The following UNC5A variants were observed in gnomAD, a reference collection of about 807,000 sequenced individuals.
The protein encoded by UNC5A is netrin receptor UNC5A.
A neutral mutation model predicts 87.4 loss-of-function variants in UNC5A; 20 were observed. The observed-to-expected ratio is 0.23, with a 90% CI of 0.16 to 0.33. UNC5A has a LOEUF of 0.33. Among genes scored for constraint, UNC5A ranks in the 10% least tolerant of loss-of-function variants. The pLI, the probability that UNC5A is intolerant of heterozygous loss-of-function variation, is 1.00. For missense variants in UNC5A, 844 were observed against 1,133.4 expected (o/e 0.74, Z 3.67); for synonymous variants, 438 against 482.3 (o/e 0.91, Z 1.20).
intron 1 of UNC5A, among the ~76,000 whole-genome samples, chr5:176,842,492 G>GATATATATAT (rs35268512): frequency 0.014 from 1,986 of 145,606 alleles, 69 homozygotes; most frequent in African/African-American, 0.05. Context: ...GAGAAACTGT[G>GATATATATAT]ATATATATAT....
rs537011329 is a variant in UNC5A at position 176,843,929 on chromosome 5, G to A, written c.71-18695G>A. Among the ~76,000 whole-genome samples, 9 of 152,384 alleles carry A rather than the reference G, an allele frequency of 5.9e-5. No individual in the cohort carries two copies. The South Asian group carries it at 1.0e-3, about 18-fold the overall frequency. On this transcript the variant is annotated intron_variant, in intron 1 of 14. Coordinates refer to ENST00000329542, the MANE Select transcript of UNC5A (RefSeq NM_133369.3). ...GCTCCCTGGAGTCTGCTTTCCTCCC[G>A]CTGATCGTGTGAGGCGCTCAGCGAC...
At position 176,875,161 on chromosome 5, in the gene UNC5A, C is replaced by T. The variant is rs1395949413; in HGVS notation, c.1378+595C>T. 6.6e-6 allele frequency among the ~76,000 whole-genome samples: 1 copy of T among 152,202 alleles called. No individual in the cohort carries two copies. Among genetic ancestry groups the T allele is most frequent in the Non-Finnish European group, 1.5e-5 (1 of 68,040 alleles). ...GTAGGTGTGCCTCCGAGCTCCCTCCCAGTGCCCTTCTCCCCGAGCGGCCTC... is the reference window on the plus strand; with the variant it reads ...GTAGGTGTGCCTCCGAGCTCCCTCCTAGTGCCCTTCTCCCCGAGCGGCCTC... On this transcript the variant is annotated intron_variant, in intron 8 of 14. Coordinates refer to ENST00000329542, the MANE Select transcript of UNC5A (RefSeq NM_133369.3). The surrounding 1 kb of genome is among the most constrained non-coding windows in gnomAD (Gnocchi z 5.2).
chr5:176,835,130 C>T (rs1236339620), intron 1 of UNC5A, among the ~76,000 whole-genome samples: 1 of 152,272 alleles, frequency 6.6e-6, no homozygotes, highest in African/African-American at 2.4e-5. Flanking sequence ...AGGGTGGCTT[C>T]TTAAAGTGCC....
chr5:176,860,753 T>G (rs1757816044), intron 1 of UNC5A, among the ~76,000 whole-genome samples: 1 of 152,206 alleles, frequency 6.6e-6, no homozygotes, highest in Non-Finnish European at 1.5e-5. Context: ...ACCTTCATTT[T>G]CACGACATGT....
At chr5:176,814,504 A>G (rs1482728651) in intron 1 of UNC5A, among the ~76,000 whole-genome samples, 1 of 152,128 alleles carries the variant, frequency 6.6e-6, no homozygotes, top group Non-Finnish European at 1.5e-5. Flanking sequence ...CAGACCTGGG[A>G]CACACCCCTT....
At chr5:176,878,216 C>G in intron 11 of UNC5A, 28 bp from the exon 12 acceptor site, 1 of 1,606,870 alleles carries the variant, frequency 6.2e-7, no homozygotes, top group Non-Finnish European at 8.5e-7. Flanking sequence ...TGGGGAGGGG[C>G]CTGGGCTGAC....
At chr5:176,828,857 G>A (rs1380656460) in intron 1 of UNC5A, among the ~76,000 whole-genome samples, 5 of 151,274 alleles carry the variant, frequency 3.3e-5, no homozygotes, top group African/African-American at 9.7e-5. Context: ...GGGGCTGGGC[G>A]CGGTGGCTCA....
chr5:176,840,655 G>C (rs1292180375), intron 1 of UNC5A, among the ~76,000 whole-genome samples: 1 of 152,212 alleles, frequency 6.6e-6, no homozygotes, highest in African/African-American at 2.4e-5. Context: ...GAGGGAGCAA[G>C]TGGGCAGGAC....
rs1450122401 is a variant in UNC5A at position 176,875,580 on chromosome 5, G to T, written c.1378+1014G>T. Among the ~76,000 whole-genome samples the T allele has an allele frequency of 6.6e-6, 1 of 151,956 alleles. No homozygotes were observed. The highest frequency in any genetic ancestry group is 1.5e-5 in the Non-Finnish European group (1 of 68,008). Reference sequence around the variant, plus strand: ...CACGGGCCACCAAACCCCTTACCTGGTTCCTTGCTGTAAAACTTCACCAAA... The same window carrying T: ...CACGGGCCACCAAACCCCTTACCTGTTTCCTTGCTGTAAAACTTCACCAAA... On this transcript the variant is annotated intron_variant, in intron 8 of 14. Coordinates refer to ENST00000329542, the MANE Select transcript of UNC5A (RefSeq NM_133369.3). The surrounding 1 kb of genome is among the most constrained non-coding windows in gnomAD (Gnocchi z 5.2).
At chr5:176,879,217 T>G (rs1581283676) in intron 13 of UNC5A, 93 bp from the exon 14 acceptor site, 1 of 1,438,300 alleles carries the variant, frequency 7.0e-7, no homozygotes, top group Non-Finnish European at 9.3e-7. Flanking sequence ...CCCCATGCTC[T>G]GGGGGAGTCT....
chr5:176,830,484 G>C (rs1756972824), intron 1 of UNC5A, among the ~76,000 whole-genome samples: 1 of 146,090 alleles, frequency 6.8e-6, no homozygotes, highest in African/African-American at 2.5e-5. Context: ...GTGTGTGTGT[G>C]CCGGCGTATG....
At chr5:176,828,520 C>A (rs765273912) in intron 1 of UNC5A, among the ~76,000 whole-genome samples, 1 of 152,130 alleles carries the variant, frequency 6.6e-6, no homozygotes, top group Non-Finnish European at 1.5e-5. Context: ...CTCAGCCCCC[C>A]CATCTTCCCC....
At chr5:176,834,733 CCTCTCCCTCTCCCTCTCT>C (rs1327758087) in intron 1 of UNC5A, among the ~76,000 whole-genome samples, 4 of 148,896 alleles carry the variant, frequency 2.7e-5, no homozygotes, top group Admixed American at 2.0e-4. Flanking sequence ...CCCTCCTCTC[CCTCTCCCTCTCCCTCTCT>C]CTCTCCCTTT....
rs1757474549 is a variant in UNC5A at position 176,848,794 on chromosome 5, G to C, written c.71-13830G>C. Reference sequence around the variant, plus strand: ...GCTCAGACCACGGGCACACAAGATGGGCAGCCGCGGCCTGGGCCCTGCGCG... The same window carrying C: ...GCTCAGACCACGGGCACACAAGATGCGCAGCCGCGGCCTGGGCCCTGCGCG... On this transcript the variant is annotated intron_variant, in intron 1 of 14. Coordinates refer to ENST00000329542, the MANE Select transcript of UNC5A (RefSeq NM_133369.3). The surrounding 1 kb of genome is among the most constrained non-coding windows in gnomAD (Gnocchi z 5.8). Among the ~76,000 whole-genome samples, 1 of 152,200 alleles carries C rather than the reference G, an allele frequency of 6.6e-6. No individual in the cohort carries two copies. Among genetic ancestry groups the C allele is most frequent in the Admixed American group, 6.5e-5 (1 of 15,282 alleles).
intron 1 of UNC5A, among the ~76,000 whole-genome samples, chr5:176,855,218 C>T (rs1392209481): frequency 6.6e-6 from 1 of 152,248 alleles, no homozygotes; most frequent in Non-Finnish European, 1.5e-5. Flanking sequence ...TTACCCTCAG[C>T]CTTACGAAGG....
chr5:176,843,344 C>T (rs1013844987), intron 1 of UNC5A, among the ~76,000 whole-genome samples: 13 of 152,052 alleles, frequency 8.5e-5, no homozygotes, highest in Non-Finnish European at 1.2e-4. Flanking sequence ...TACTGTGTAC[C>T]GCTAAAGAAG....
chr5:176,878,144 A>AC lies in UNC5A; in HGVS notation c.1869+23dup. On this transcript the variant is annotated intron_variant, in intron 11 of 14. Coordinates refer to ENST00000329542, the MANE Select transcript of UNC5A (RefSeq NM_133369.3). ...GCACTCAAGGTATCTCCCGCCCCTCACCCCCCGCCGCTGGGAGGCCGAGCT... is the reference window on the plus strand; with the variant it reads ...GCACTCAAGGTATCTCCCGCCCCTCACCCCCCCGCCGCTGGGAGGCCGAGCT... 2 of 1,572,536 alleles carry AC rather than the reference A, an allele frequency of 1.3e-6. No homozygotes were observed. The highest frequency in any genetic ancestry group is 1.1e-5 in the South Asian group (1 of 87,964).
chr5:176,828,175 C>A (rs940186523), intron 1 of UNC5A, among the ~76,000 whole-genome samples: 5 of 152,216 alleles, frequency 3.3e-5, no homozygotes, highest in African/African-American at 9.7e-5. Flanking sequence ...AATGCGGCTA[C>A]AAACAATGCG....
At chr5:176,819,256 T>A (rs1023551754) in intron 1 of UNC5A, among the ~76,000 whole-genome samples, 11 of 152,138 alleles carry the variant, frequency 7.2e-5, no homozygotes, top group African/African-American at 2.7e-4. Context: ...TGTCACAGCC[T>A]CCTCAGCCCT....
Sources: gnomAD v4.1 joint callset for allele counts (sites outside exome capture counted in the v4.1 genomes callset) on GRCh38, gnomAD v4.1.1 for gene constraint, Gnocchi (gnomAD v3.1) non-coding constraint, MANE v1.5 for transcripts, NCBI Gene and HGNC (gene_info 2026-07-23, HGNC 2026-07-21) for gene names.